Variants in TOPAZ1 observed in about 807,000 individuals in gnomAD.
TOPAZ1 encodes the protein protein TOPAZ1.
In TOPAZ1, 66 loss-of-function variants were observed where a neutral mutation model predicts 172.2. The observed-to-expected ratio is 0.38, with a 90% CI of 0.31 to 0.47. The LOEUF (loss-of-function observed/expected upper bound fraction) is 0.47, where lower values mean the gene tolerates loss of function less well. Ranked by LOEUF, TOPAZ1 falls within the 20% of genes least tolerant of loss-of-function variation. The pLI is 0.99. For missense variants in TOPAZ1, 1,822 were observed against 1,972.4 expected, an observed-to-expected ratio of 0.92 and a Z score of 1.44; for synonymous variants, 681 against 683.9, an observed-to-expected ratio of 1.00 and a Z score of 0.07.
At chr3:44,320,947 T>A (rs1180655591) in intron 16 of TOPAZ1, 80 bp from the exon 17 acceptor site, 10 of 919,746 alleles carry the variant, frequency 1.1e-5, no homozygotes, top group Non-Finnish European at 1.6e-6. Context: ...TCAAAAGATA[T>A]ATTGAAACAT....
rs1250515344 is a variant in TOPAZ1 at position 44,267,182 on chromosome 3, T to C, written c.3160+46T>C. 10 of 1,402,790 alleles carry C rather than the reference T, an allele frequency of 7.1e-6. No homozygotes were observed. In the Admixed American group the frequency reaches 9.7e-5, roughly 14 times the overall value. The allele number at this position is 1,402,790 out of a possible 1,614,324, so 86.9% of individuals were successfully genotyped here. ...GAAATCCTGTTGGCTTTTGGTGATA[T>C]AGAAACTAGGAGATTTTTCTACCAA... On this transcript the variant is annotated intron_variant, in intron 6 of 19. Coordinates refer to ENST00000309765, the MANE Select transcript of TOPAZ1 (RefSeq NM_001145030.2).
intron 15 of TOPAZ1, among the ~76,000 whole-genome samples, chr3:44,307,669 C>T (rs764923523): frequency 4.6e-5 from 7 of 152,080 alleles, no homozygotes; most frequent in Non-Finnish European, 7.4e-5. Context: ...TTACTTGCTG[C>T]TTTTATAAAG....
At position 44,243,652 on chromosome 3, in the gene TOPAZ1, A is replaced by G. The variant is rs1172413777; in HGVS notation, c.1146A>G (p.Arg382=). The change falls in exon 2 of 20, where the codon AGA becomes AGG. Residue 382 remains arginine (R), a synonymous_variant. Coordinates refer to ENST00000309765, the MANE Select transcript of TOPAZ1 (RefSeq NM_001145030.2). ...CTAAAAGTCCTTTAAATGTTTTGAG[A>G]AAAGTAAGCCATAATACAGTCTCTT... ...AETKSPLNVL[R]KVSHNTVSLM... 9.7e-6 allele frequency: 15 copies of G among 1,549,990 alleles called. No individual in the cohort carries two copies. Among genetic ancestry groups the G allele is most frequent in the Non-Finnish European group, 1.3e-5 (15 of 1,146,962 alleles).
intron 16 of TOPAZ1, among the ~76,000 whole-genome samples, chr3:44,313,605 G>A (rs1379445895): frequency 6.4e-5 from 9 of 140,620 alleles, no homozygotes; most frequent in African/African-American, 1.9e-4. Context: ...GCAACAAAGC[G>A]AGACTCTGTC....
At chr3:44,310,970 C>T (rs1468856175) in intron 16 of TOPAZ1, among the ~76,000 whole-genome samples, 2 of 152,080 alleles carry the variant, frequency 1.3e-5, no homozygotes, top group Non-Finnish European at 2.9e-5. Flanking sequence ...CTAATGATAG[C>T]GCTGGCTATT....
rs1197419183 is a variant in TOPAZ1 at position 44,328,323 on chromosome 3, T to C, written c.4749T>C (p.Tyr1583=). The C allele has an allele frequency of 6.6e-7, 1 of 1,519,692 alleles. No homozygotes were observed. The highest frequency in any genetic ancestry group is 1.4e-5 in the African/African-American group (1 of 70,654). The allele number at this position is 1,519,692 out of a possible 1,614,324, so 94.1% of individuals were successfully genotyped here. Reference sequence around the variant, plus strand: ...GAAAACTTCTTCTAATTCCATCTTATTTATCTGAGATTGAAATGCTCTTAG... The same window carrying C: ...GAAAACTTCTTCTAATTCCATCTTACTTATCTGAGATTGAAATGCTCTTAG... ...LYRKLLLIPS[Y]LSEIEMLLAI... Residue 1583 remains tyrosine, a synonymous_variant, in exon 19 of 20, where the codon TAT becomes TAC. Coordinates refer to ENST00000309765, the MANE Select transcript of TOPAZ1 (RefSeq NM_001145030.2).
In TOPAZ1 at chr3:44,303,996, C is replaced by T. The variant is rs1318307868; in HGVS notation, c.3798-19C>T. 1.4e-6 allele frequency: 2 copies of T among 1,464,774 alleles called. No homozygotes were observed. The highest frequency in any genetic ancestry group is 2.5e-5 in the South Asian group (2 of 79,776). The allele number at this position is 1,464,774 out of a possible 1,614,324, so 90.7% of individuals were successfully genotyped here. The stretch of plus-strand genomic sequence containing the variant: ...TAAGGGGTGAATATAGTATAATTAA[C>T]TCTTTTCTTTTGTTAAAGGTTACAG... On this transcript the variant is annotated intron_variant, in intron 12 of 19. Transcript: ENST00000309765.
rs557441195 is a variant in TOPAZ1 at position 44,250,792 on chromosome 3, T to C, written c.2766-4176T>C. On this transcript the variant is annotated intron_variant, in intron 2 of 19. Transcript: ENST00000309765. ...AGCAGGTGGGGACTATGAAGAAACA[T>C]TATTCTGATTTTTTTTCTTTTCTCT... is the stretch of plus-strand genomic sequence containing the variant. Among the ~76,000 whole-genome samples, 3 of 152,306 alleles carry C rather than the reference T, an allele frequency of 2.0e-5. No homozygotes were observed. The South Asian group carries it at 6.2e-4, about 32-fold the overall frequency.
intron 8 of TOPAZ1, among the ~76,000 whole-genome samples, chr3:44,276,768 G>A (rs1020934469): frequency 4.0e-5 from 6 of 149,990 alleles, no homozygotes; most frequent in Non-Finnish European, 7.4e-5. Context: ...CATTGAATCT[G>A]TAGATTGCTT....
At chr3:44,257,352 GGTGTGTGTGTGTGTGTGTGT>G (rs59827431) in intron 4 of TOPAZ1, among the ~76,000 whole-genome samples, 72 of 110,400 alleles carry the variant, frequency 6.5e-4, no homozygotes, top group South Asian at 3.1e-3. Context: ...AAAACATAGG[GGTGTGTGTGTGTGTGTGTGT>G]GTGTGTGTGT....
rs1239774666 is a variant in TOPAZ1, at chr3:44,242,219, G to T, written c.166G>T (p.Ala56Ser). ...GCAAAAGAGGAGAATGGTGGCCCGG[G>T]CCACCCCTGGGAGAGGCGAGGTGGA... ...NKQKRRMVAR[A>S]TPGRGEVESD... The change falls in exon 1 of 20, where the codon GCC (alanine) becomes TCC (serine). Residue 56 changes from alanine (A) to serine (S), a missense_variant. Ala to Ser is a moderately conservative substitution (Grantham distance 99). This residue lies in a region of TOPAZ1 where 1,489 missense variants were observed against 1,490.8 expected (regional missense o/e 1.00). Coordinates refer to ENST00000309765, the MANE Select transcript of TOPAZ1 (RefSeq NM_001145030.2). The T allele has an allele frequency of 1.3e-6, 2 of 1,545,288 alleles. No individual in the cohort carries two copies. Among genetic ancestry groups the T allele is most frequent in the Admixed American group, 4.1e-5 (2 of 48,694 alleles).
At chr3:44,261,039 ATAGT>A (rs896213881) in intron 4 of TOPAZ1, among the ~76,000 whole-genome samples, 2 of 152,088 alleles carry the variant, frequency 1.3e-5, no homozygotes, top group Non-Finnish European at 2.9e-5. Flanking sequence ...TTTTTGAAAA[ATAGT>A]AAGTAAAATA....
chr3:44,315,937 A>T (rs1372118948), intron 16 of TOPAZ1, among the ~76,000 whole-genome samples: 1 of 152,286 alleles, frequency 6.6e-6, no homozygotes, highest in East Asian at 1.9e-4. Context: ...TTTATATTTT[A>T]AAAATAAACA....
intron 12 of TOPAZ1, among the ~76,000 whole-genome samples, chr3:44,299,157 G>C (rs1478140206): frequency 2.0e-5 from 3 of 151,006 alleles, no homozygotes; most frequent in Non-Finnish European, 4.4e-5. Context: ...TGCTGACCTC[G>C]TGATTCACCC....
At chr3:44,269,524 C>T (rs373078116) in intron 7 of TOPAZ1, among the ~76,000 whole-genome samples, 91 of 84,536 alleles carry the variant, frequency 1.1e-3, no homozygotes, top group South Asian at 5.3e-3. Context: ...TTGCTCTTGT[C>T]GTCCAGGCTA....
chr3:44,257,352 G>GGGGTGT (rs1264696203), intron 4 of TOPAZ1, among the ~76,000 whole-genome samples: 191 of 110,414 alleles, frequency 1.7e-3, no homozygotes, highest in African/African-American at 4.0e-3. Flanking sequence ...AAAACATAGG[G>GGGGTGT]GTGTGTGTGT....
chr3:44,325,594 G>C (rs1471733935), intron 18 of TOPAZ1, among the ~76,000 whole-genome samples: 1 of 151,162 alleles, frequency 6.6e-6, no homozygotes, highest in Non-Finnish European at 1.5e-5. Context: ...GCCCATTCTA[G>C]ACAGATCACA....
chr3:44,283,502 C>CACA (rs1700044436), intron 9 of TOPAZ1, among the ~76,000 whole-genome samples: 1 of 152,238 alleles, frequency 6.6e-6, no homozygotes, highest in Non-Finnish European at 1.5e-5. Context: ...GAGGAAGAAG[C>CACA]TGAGTCAGTG....
chr3:44,305,411 C>T, intron 14 of TOPAZ1, 90 bp downstream of exon 14: 2 of 1,196,482 alleles, frequency 1.7e-6, no homozygotes, highest in Non-Finnish European at 1.1e-6. Flanking sequence ...CCTTTGTTAC[C>T]CAGGCTGGAG....
Sources: allele counts gnomAD v4.1 joint callset (sites outside exome capture counted in the v4.1 genomes callset), GRCh38; gene constraint gnomAD v4.1.1; regional missense constraint gnomAD v4.1.1; transcripts MANE v1.5; gene names NCBI Gene and HGNC (gene_info 2026-07-23, HGNC 2026-07-21).